The following NXPH1 variants were observed in gnomAD, a reference collection of about 807,000 sequenced individuals.
NXPH1 encodes the protein neurexophilin-1.
Under a neutral mutation model 23.7 loss-of-function variants are expected in NXPH1, and 5 were observed. That is an observed-to-expected ratio of 0.21 (90% CI 0.11 to 0.44). The LOEUF (loss-of-function observed/expected upper bound fraction) is 0.44. NXPH1 is among the 20% of genes least tolerant of loss of function. The pLI, the probability that NXPH1 is intolerant of heterozygous loss-of-function variation, is 0.99. For synonymous variants in NXPH1, 144 were observed against 122.2 expected, an observed-to-expected ratio of 1.18 and a Z score of -1.18; for missense variants, 324 against 321.6, an observed-to-expected ratio of 1.01 and a Z score of -0.06.
chr7:8,721,459 C>T (rs554699609), intron 2 of NXPH1, among the ~76,000 whole-genome samples: 2 of 152,056 alleles, frequency 1.3e-5, no homozygotes, highest in African/African-American at 4.8e-5. Context: ...ATTTAAGAAC[C>T]AAGATTACTT....
chr7:8,644,006 C>T (rs1399000781), intron 2 of NXPH1, among the ~76,000 whole-genome samples: 2 of 152,136 alleles, frequency 1.3e-5, no homozygotes, highest in African/African-American at 4.8e-5. Context: ...TGGACAACAA[C>T]AGGCTGAAAA....
intron 2 of NXPH1, among the ~76,000 whole-genome samples, chr7:8,723,479 G>A (rs991736939): frequency 2.0e-5 from 3 of 152,122 alleles, no homozygotes; most frequent in Non-Finnish European, 4.4e-5. Context: ...TAGGTATTTT[G>A]CTCTTATTCA....
intron 2 of NXPH1, among the ~76,000 whole-genome samples, chr7:8,439,130 A>C (rs1166729307): frequency 6.6e-6 from 1 of 152,206 alleles, no homozygotes; most frequent in Non-Finnish European, 1.5e-5. Flanking sequence ...AAATAATAAA[A>C]AAGTTTTGCA....
chr7:8,513,133 C>T (rs937269558), intron 2 of NXPH1, among the ~76,000 whole-genome samples: 2 of 152,046 alleles, frequency 1.3e-5, no homozygotes, highest in South Asian at 4.1e-4. Context: ...CCCAACTACC[C>T]AAGTAATGAG....
At chr7:8,549,333 G>A (rs1038480303) in intron 2 of NXPH1, among the ~76,000 whole-genome samples, 4 of 151,450 alleles carry the variant, frequency 2.6e-5, no homozygotes, top group Non-Finnish European at 5.9e-5. Flanking sequence ...ATTTTAAATC[G>A]TTCCTATTGG....
At chr7:8,709,421 G>C (rs1453732390) in intron 2 of NXPH1, among the ~76,000 whole-genome samples, 1 of 151,906 alleles carries the variant, frequency 6.6e-6, no homozygotes, top group Admixed American at 6.6e-5. Flanking sequence ...AATATTTCCA[G>C]GATTTGTTAT....
At chr7:8,538,028 A>G (rs1007163015) in intron 2 of NXPH1, among the ~76,000 whole-genome samples, 1 of 151,938 alleles carries the variant, frequency 6.6e-6, no homozygotes. Context: ...AGTTACAGCA[A>G]TGATGATTGC....
chr7:8,538,770 G>C (rs1393588420), intron 2 of NXPH1, among the ~76,000 whole-genome samples: 1 of 151,846 alleles, frequency 6.6e-6, no homozygotes, highest in African/African-American at 2.4e-5. Context: ...AATGTTGACT[G>C]GAGAAATATT....
At chr7:8,467,779 T>G (rs1458878121) in intron 2 of NXPH1, among the ~76,000 whole-genome samples, 1 of 152,182 alleles carries the variant, frequency 6.6e-6, no homozygotes, top group Non-Finnish European at 1.5e-5. Flanking sequence ...TTAGAACATT[T>G]TATTTAAAGT....
chr7:8,582,175 G>A (rs1045363286), intron 2 of NXPH1, among the ~76,000 whole-genome samples: 1 of 152,240 alleles, frequency 6.6e-6, no homozygotes. Flanking sequence ...GGGGAACCCA[G>A]TGGCACTGGG....
rs571885276 is a variant in NXPH1 at position 8,595,857 on chromosome 7, C to A, written c.55-155151C>A. ...ACCATCGCTTTTAGTGATTATGTAC[C>A]CATTTGAGGCTCGGTTTTACAGCCT... is the stretch of plus-strand genomic sequence containing the variant. On this transcript the variant is annotated intron_variant, in intron 2 of 2. Coordinates refer to ENST00000405863, the MANE Select transcript of NXPH1 (RefSeq NM_152745.3). Among the ~76,000 whole-genome samples, 26 of 151,912 alleles carry A rather than the reference C, an allele frequency of 1.7e-4. 1 individual carries two copies. The South Asian group carries it at 5.2e-3, about 30-fold the overall frequency.
intron 2 of NXPH1, among the ~76,000 whole-genome samples, chr7:8,511,486 G>T (rs112501124): frequency 6.6e-6 from 1 of 152,080 alleles, no homozygotes; most frequent in Non-Finnish European, 1.5e-5. Flanking sequence ...TGTGAGGCTG[G>T]TGTGTACAGT....
At chr7:8,436,912 G>T (rs1005365468) in intron 2 of NXPH1, among the ~76,000 whole-genome samples, 2 of 152,202 alleles carry the variant, frequency 1.3e-5, no homozygotes, top group African/African-American at 4.8e-5. Context: ...CGTTGCCCTG[G>T]TGCATGTGGC....
At chr7:8,526,248 C>T (rs1817859665) in intron 2 of NXPH1, among the ~76,000 whole-genome samples, 1 of 152,176 alleles carries the variant, frequency 6.6e-6, no homozygotes, top group African/African-American at 2.4e-5. Context: ...GCCCTGTAAT[C>T]CCTTTGTTTT....
chr7:8,582,532 C>T (rs1818899878), intron 2 of NXPH1, among the ~76,000 whole-genome samples: 1 of 152,104 alleles, frequency 6.6e-6, no homozygotes, highest in Non-Finnish European at 1.5e-5. Flanking sequence ...AGAGAGGAGA[C>T]CTGCAGTGGG....
intron 2 of NXPH1, among the ~76,000 whole-genome samples, chr7:8,584,807 TCAAA>T (rs2128624365): frequency 1.3e-5 from 2 of 152,346 alleles, no homozygotes; most frequent in East Asian, 3.9e-4. Context: ...GTATCCCATT[TCAAA>T]TTATTACCTA....
chr7:8,511,191 T>A (rs1301539789), intron 2 of NXPH1, among the ~76,000 whole-genome samples: 1 of 152,158 alleles, frequency 6.6e-6, no homozygotes, highest in African/African-American at 2.4e-5. Context: ...TAACCCTTAG[T>A]GATAACAGGC....
At chr7:8,629,838 A>G (rs1230070569) in intron 2 of NXPH1, among the ~76,000 whole-genome samples, 1 of 152,190 alleles carries the variant, frequency 6.6e-6, no homozygotes, top group African/African-American at 2.4e-5. Flanking sequence ...TGGGGAGTTT[A>G]GAAATTGCCT....
At chr7:8,492,911 A>C (rs907430176) in intron 2 of NXPH1, among the ~76,000 whole-genome samples, 2 of 152,018 alleles carry the variant, frequency 1.3e-5, no homozygotes, top group Non-Finnish European at 2.9e-5. Context: ...GAGTGTTCTA[A>C]GTGAAAGAGA....
Sources: allele counts gnomAD v4.1 joint callset (sites outside exome capture counted in the v4.1 genomes callset), GRCh38; gene constraint gnomAD v4.1.1; transcripts MANE v1.5; gene names NCBI Gene and HGNC (gene_info 2026-07-23, HGNC 2026-07-21).